Variants in MACROD2 observed in about 807,000 individuals in gnomAD.
The protein encoded by MACROD2 is mono-ADP ribosylhydrolase 2.
Under a neutral mutation model 70.4 loss-of-function variants are expected in MACROD2, and 36 were observed. The observed-to-expected ratio is 0.51, with a 90% CI of 0.39 to 0.68. MACROD2 has a LOEUF of 0.68. MACROD2 is among the 30% of genes least tolerant of loss of function. The probability of loss-of-function intolerance (pLI) is 0.00; values close to 1 mark genes in which losing one functional copy is unlikely to be tolerated. For synonymous variants in MACROD2, 172 were observed against 178.8 expected, an observed-to-expected ratio of 0.96 and a Z score of 0.30; for missense variants, 496 against 538.4, an observed-to-expected ratio of 0.92 and a Z score of 0.78.
intron 5 of MACROD2, among the ~76,000 whole-genome samples, chr20:15,219,863 A>G (rs1213176881): frequency 6.6e-6 from 1 of 152,014 alleles, no homozygotes; most frequent in African/African-American, 2.4e-5. Flanking sequence ...GCCAAAACCT[A>G]TCTCTAAAAC....
intron 5 of MACROD2, among the ~76,000 whole-genome samples, chr20:15,052,233 G>A (rs1388144121): frequency 6.6e-6 from 1 of 152,122 alleles, no homozygotes; most frequent in Non-Finnish European, 1.5e-5. Context: ...TGAGGTTCCA[G>A]GGAATTAGCC....
rs777164390 is a variant in MACROD2 at position 15,120,434 on chromosome 20, C to G, written c.419-109506C>G. Among the ~76,000 whole-genome samples the G allele has an allele frequency of 1.3e-4, 20 of 152,120 alleles. 1 individual carries two copies. The highest frequency in any genetic ancestry group is 2.2e-4 in the Non-Finnish European group (15 of 68,026). ...GAACAAATGAACAAATACACAGACT[C>G]TTCTCCCCTACTTTATGTAATATTT... On this transcript the variant is annotated intron_variant, in intron 5 of 17. Coordinates refer to ENST00000684519, the MANE Select transcript of MACROD2 (RefSeq NM_001351661.2).
At chr20:15,420,023 G>A (rs1292898088) in intron 6 of MACROD2, among the ~76,000 whole-genome samples, 2 of 152,178 alleles carry the variant, frequency 1.3e-5, no homozygotes, top group African/African-American at 2.4e-5. Context: ...TTCTAGAACA[G>A]GATGCACATT....
At chr20:15,450,056 T>G (rs554176201) in intron 7 of MACROD2, among the ~76,000 whole-genome samples, 4 of 152,176 alleles carry the variant, frequency 2.6e-5, no homozygotes, top group African/African-American at 9.6e-5. Flanking sequence ...AGCCATTGAT[T>G]TATGTATATA....
At chr20:14,930,703 G>A (rs966046286) in intron 5 of MACROD2, among the ~76,000 whole-genome samples, 5 of 141,126 alleles carry the variant, frequency 3.5e-5, no homozygotes, top group African/African-American at 7.9e-5. Context: ...CCAGGCTGAC[G>A]CCAGAGGATC....
At chr20:14,592,040 TG>T (rs1981805685) in intron 4 of MACROD2, among the ~76,000 whole-genome samples, 1 of 152,140 alleles carries the variant, frequency 6.6e-6, no homozygotes, top group Non-Finnish European at 1.5e-5. Context: ...AGGACTGCAG[TG>T]GAAGGACATG....
chr20:14,355,691 A>T (rs1430661006), intron 3 of MACROD2, among the ~76,000 whole-genome samples: 1 of 152,216 alleles, frequency 6.6e-6, no homozygotes, highest in African/African-American at 2.4e-5. Context: ...AAAGGAAAGA[A>T]ACTATCAAAA....
chr20:14,600,283 T>C (rs1301627371), intron 4 of MACROD2, among the ~76,000 whole-genome samples: 2 of 148,538 alleles, frequency 1.3e-5, no homozygotes, highest in Non-Finnish European at 3.0e-5. Context: ...TCCAGGATTA[T>C]ATTAAAGCTA....
intron 3 of MACROD2, among the ~76,000 whole-genome samples, chr20:14,275,963 A>G (rs1413416971): frequency 1.3e-5 from 2 of 152,194 alleles, no homozygotes; most frequent in Non-Finnish European, 2.9e-5. Context: ...GCAATCATTA[A>G]AAGTCAGGAA....
At chr20:14,862,606 AAT>A (rs1568841294) in intron 5 of MACROD2, among the ~76,000 whole-genome samples, 1 of 27,184 alleles carries the variant, frequency 3.7e-5, no homozygotes, top group Non-Finnish European at 6.4e-5. Flanking sequence ...TATAAATATA[AAT>A]ATATATAAAT....
chr20:14,870,277 G>A (rs2073473180), intron 5 of MACROD2, among the ~76,000 whole-genome samples: 1 of 152,090 alleles, frequency 6.6e-6, no homozygotes, highest in Admixed American at 6.6e-5. Context: ...CAAAGAAAAT[G>A]GTCTCATTTC....
chr20:15,989,604 T>C (rs569376749), intron 15 of MACROD2, among the ~76,000 whole-genome samples: 1 of 152,286 alleles, frequency 6.6e-6, no homozygotes, highest in East Asian at 1.9e-4. Context: ...TCTTTTTATT[T>C]AGTTATTAAA....
At chr20:15,373,651 C>T (rs1278571537) in intron 6 of MACROD2, among the ~76,000 whole-genome samples, 1 of 152,154 alleles carries the variant, frequency 6.6e-6, no homozygotes, top group Non-Finnish European at 1.5e-5. Context: ...GATCCTCCTA[C>T]CTTGGCCTCT....
intron 3 of MACROD2, among the ~76,000 whole-genome samples, chr20:14,463,326 GCTCT>G (rs1156509490): frequency 6.6e-6 from 1 of 151,822 alleles, no homozygotes; most frequent in African/African-American, 2.4e-5. Flanking sequence ...TCATGATTTG[GCTCT>G]CTGTTTGTCT....
At chr20:15,574,282 C>T (rs181643453) in intron 8 of MACROD2, among the ~76,000 whole-genome samples, 3 of 152,166 alleles carry the variant, frequency 2.0e-5, no homozygotes, top group Non-Finnish European at 4.4e-5. Flanking sequence ...AACATCAGCT[C>T]TTAATTATTT....
chr20:15,930,108 C>T (rs1283084884), intron 10 of MACROD2, among the ~76,000 whole-genome samples: 2 of 152,170 alleles, frequency 1.3e-5, no homozygotes, highest in East Asian at 1.9e-4. Flanking sequence ...AAAATAGCCT[C>T]GCACTTCCCT....
At chr20:14,666,893 G>A (rs753663669) in intron 4 of MACROD2, among the ~76,000 whole-genome samples, 15 of 151,766 alleles carry the variant, frequency 9.9e-5, no homozygotes, top group East Asian at 5.8e-4. Context: ...TTTCTGTGAT[G>A]GTCAGTTTTG....
Position 15,674,203 on chromosome 20 carries a change from A to G in MACROD2, c.645+174356A>G, listed in dbSNP as rs186076055. 2.7e-4 allele frequency among the ~76,000 whole-genome samples: 41 copies of G among 152,310 alleles called. No homozygotes were observed. In the East Asian group the frequency reaches 7.9e-3, roughly 29 times the overall value. ...AAAAAGTTAATTACAAAATATGGTAAGACCATAGTGGGGACAAGATGCTAT... is the reference window on the plus strand; with the variant it reads ...AAAAAGTTAATTACAAAATATGGTAGGACCATAGTGGGGACAAGATGCTAT... On this transcript the variant is annotated intron_variant, in intron 8 of 17. Transcript: ENST00000684519.
At chr20:14,952,052 C>T (rs1005474559) in intron 5 of MACROD2, among the ~76,000 whole-genome samples, 14 of 152,070 alleles carry the variant, frequency 9.2e-5, no homozygotes, top group African/African-American at 2.7e-4. Context: ...GTGACTGTAA[C>T]TTACCAGTGG....
Sources: gnomAD v4.1 joint callset for allele counts (sites outside exome capture counted in the v4.1 genomes callset) on GRCh38, gnomAD v4.1.1 for gene constraint, MANE v1.5 for transcripts, NCBI Gene and HGNC (gene_info 2026-07-23, HGNC 2026-07-21) for gene names.